The following EPHB1 variants were observed in gnomAD, a reference collection of about 807,000 sequenced individuals.
The protein encoded by EPHB1 is ephrin type-B receptor 1.
EPHB1 carries 30 observed loss-of-function variants against 94.4 expected under a neutral mutation model. The ratio of observed to expected loss-of-function variants is 0.32; its 90% CI spans 0.24 to 0.43. EPHB1 has a LOEUF of 0.43. Among genes scored for constraint, EPHB1 ranks in the 20% least tolerant of loss-of-function variants. The pLI, the probability that EPHB1 is intolerant of heterozygous loss-of-function variation, is 1.00. For synonymous variants in EPHB1, 522 were observed against 489.1 expected, an observed-to-expected ratio of 1.07 and a Z score of -0.89; for missense variants, 1,055 against 1,308.3, an observed-to-expected ratio of 0.81 and a Z score of 2.99.
chr3:135,177,966 A>G (rs780109685), intron 9 of EPHB1, among the ~76,000 whole-genome samples: 4 of 152,174 alleles, frequency 2.6e-5, no homozygotes, highest in Admixed American at 6.5e-5. Context: ...AGAATATTCT[A>G]CATAAAGGTG....
At chr3:135,129,289 G>A (rs1940333026) in intron 4 of EPHB1, among the ~76,000 whole-genome samples, 1 of 152,114 alleles carries the variant, frequency 6.6e-6, no homozygotes, top group Admixed American at 6.5e-5. Context: ...ATCGACAAGG[G>A]TGGGTCTTCC....
intron 3 of EPHB1, among the ~76,000 whole-genome samples, chr3:134,968,782 T>A (rs1479463689): frequency 6.6e-6 from 1 of 152,148 alleles, no homozygotes; most frequent in Non-Finnish European, 1.5e-5. Context: ...CATGATCCTG[T>A]TGTCTTTTTA....
intron 15 of EPHB1, among the ~76,000 whole-genome samples, chr3:135,255,960 T>TA (rs551719265): frequency 2.7e-4 from 40 of 149,466 alleles, no homozygotes; most frequent in African/African-American, 8.6e-4. Flanking sequence ...TTGATCCCTT[T>TA]ACCATTATGT....
intron 10 of EPHB1, among the ~76,000 whole-genome samples, chr3:135,190,475 G>A (rs1159749941): frequency 1.3e-5 from 2 of 151,842 alleles, no homozygotes; most frequent in African/African-American, 2.4e-5. Flanking sequence ...TATATATATA[G>A]CATATATATG....
chr3:134,940,330 C>T (rs910724857), intron 2 of EPHB1, among the ~76,000 whole-genome samples: 1 of 152,168 alleles, frequency 6.6e-6, no homozygotes, highest in Non-Finnish European at 1.5e-5. Flanking sequence ...TGAGCTCCTT[C>T]CACATCCATG....
intron 3 of EPHB1, among the ~76,000 whole-genome samples, chr3:135,104,832 A>G (rs2107798297): frequency 6.6e-6 from 1 of 152,372 alleles, no homozygotes; most frequent in African/African-American, 2.4e-5. Context: ...ACATGTCTGG[A>G]GAAACTGAAA....
rs115246605 is a variant in EPHB1, at chr3:134,822,362, G to A, written c.58+26673G>A. On this transcript the variant is annotated intron_variant, in intron 1 of 15. Coordinates refer to ENST00000398015, the MANE Select transcript of EPHB1 (RefSeq NM_004441.5). ...GGGCCCCTGGCCTCTCTCAACTCCC[G>A]TGATCAACCACCCTTCACTCAGATT... Among the ~76,000 whole-genome samples, 411 of 152,246 alleles carry A rather than the reference G, an allele frequency of 2.7e-3. 8 individuals carry two copies. Among genetic ancestry groups the A allele is most frequent in the African/African-American group, 9.5e-3 (396 of 41,544 alleles).
At chr3:134,974,239 C>G (rs569061314) in intron 3 of EPHB1, among the ~76,000 whole-genome samples, 1 of 149,390 alleles carries the variant, frequency 6.7e-6, no homozygotes, top group South Asian at 2.1e-4. Context: ...CACACACATG[C>G]GCACAAACAC....
At chr3:135,037,081 G>A (rs569111304) in intron 3 of EPHB1, among the ~76,000 whole-genome samples, 7 of 152,192 alleles carry the variant, frequency 4.6e-5, no homozygotes, top group East Asian at 1.9e-4. Context: ...CTGGGATATC[G>A]CCACCCTCAT....
intron 1 of EPHB1, among the ~76,000 whole-genome samples, chr3:134,897,499 C>T (rs1316685581): frequency 6.6e-6 from 1 of 152,212 alleles, no homozygotes; most frequent in Non-Finnish European, 1.5e-5. Flanking sequence ...GTTCGATCTT[C>T]TGGCACCATC....
intron 15 of EPHB1, among the ~76,000 whole-genome samples, chr3:135,254,774 T>C (rs1417778053): frequency 6.6e-6 from 1 of 152,154 alleles, no homozygotes; most frequent in Non-Finnish European, 1.5e-5. Context: ...TTGATTGGAA[T>C]AGTTTCAGAA....
chr3:135,001,375 A>G (rs1201835077), intron 3 of EPHB1, among the ~76,000 whole-genome samples: 1 of 152,182 alleles, frequency 6.6e-6, no homozygotes, highest in African/African-American at 2.4e-5. Context: ...GCTTGCAGGG[A>G]TAAATGTCGG....
chr3:134,843,796 T>C (rs906422283), intron 1 of EPHB1, among the ~76,000 whole-genome samples: 4 of 152,230 alleles, frequency 2.6e-5, no homozygotes, highest in Non-Finnish European at 5.9e-5. Flanking sequence ...TGTTATACTT[T>C]CTCTAGTTAT....
At chr3:135,125,374 T>C (rs1428516595) in intron 4 of EPHB1, among the ~76,000 whole-genome samples, 1 of 148,614 alleles carries the variant, frequency 6.7e-6, no homozygotes, top group Non-Finnish European at 1.5e-5. Context: ...AGAGAACACA[T>C]AGGCTTATGC....
At chr3:134,962,147 A>G (rs989983962) in intron 3 of EPHB1, among the ~76,000 whole-genome samples, 9 of 152,304 alleles carry the variant, frequency 5.9e-5, no homozygotes, top group Admixed American at 5.9e-4. Context: ...AGATAATAAA[A>G]TATCAATCAT....
intron 2 of EPHB1, among the ~76,000 whole-genome samples, chr3:134,948,572 A>G (rs568704986): frequency 6.6e-6 from 1 of 152,258 alleles, no homozygotes; most frequent in African/African-American, 2.4e-5. Flanking sequence ...TAGAGAATCA[A>G]TAAGGAATTA....
chr3:135,200,093 G>A (rs1175224223), intron 11 of EPHB1, among the ~76,000 whole-genome samples: 8 of 152,156 alleles, frequency 5.3e-5, no homozygotes, highest in Admixed American at 5.2e-4. Flanking sequence ...GCATTCTAAT[G>A]ACTAGGCTGT....
intron 2 of EPHB1, among the ~76,000 whole-genome samples, chr3:134,938,931 A>T (rs954111412): frequency 6.6e-6 from 1 of 152,066 alleles, no homozygotes. Context: ...TAAGCTGGGG[A>T]TCCGCATGAT....
rs2037763796 is a variant in EPHB1, at chr3:134,882,749, CCTTTCTTCCTTCCTTCCTTTCTTTCT to C, written c.59-43066_59-43041del. 3.9e-4 allele frequency among the ~76,000 whole-genome samples: 15 copies of C among 38,050 alleles called. No individual in the cohort carries two copies. In the South Asian group the frequency reaches 4.2e-3, roughly 11 times the overall value. 25.0% of individuals were successfully genotyped at this position (38,050 alleles called of 152,430 possible). ...TTCTTTCCTTCTTTCCTTCTTTCTTCCTTTCTTCCTTCCTTCCTTTCTTTCTTTCTTTCTTTCTTTCTTTCTTTCTT... is the reference window on the plus strand; with the variant it reads ...TTCTTTCCTTCTTTCCTTCTTTCTTCTTCTTTCTTTCTTTCTTTCTTTCTT... On this transcript the variant is annotated intron_variant, in intron 1 of 15. Transcript: ENST00000398015.
Sources: allele counts gnomAD v4.1 joint callset (sites outside exome capture counted in the v4.1 genomes callset), GRCh38; gene constraint gnomAD v4.1.1; transcripts MANE v1.5; gene names NCBI Gene and HGNC (gene_info 2026-07-23, HGNC 2026-07-21).